Variants in PLCB1 observed in about 807,000 individuals in gnomAD.
PLCB1 encodes phospholipase C beta 1.
Under a neutral mutation model 161.8 loss-of-function variants are expected in PLCB1, and 46 were observed. That is an observed-to-expected ratio of 0.28 (90% CI 0.22 to 0.36). The LOEUF (loss-of-function observed/expected upper bound fraction) is 0.36. Ranked by LOEUF, PLCB1 falls within the 10% of genes least tolerant of loss-of-function variation. The probability of loss-of-function intolerance (pLI) is 1.00; values close to 1 mark genes in which losing one functional copy is unlikely to be tolerated. For missense variants in PLCB1, 1,016 were observed against 1,472.5 expected (o/e 0.69, Z 5.07); for synonymous variants, 517 against 503.7 (o/e 1.03, Z -0.35).
At chr20:8,186,990 T>G (rs2051912946) in intron 2 of PLCB1, among the ~76,000 whole-genome samples, 1 of 152,124 alleles carries the variant, frequency 6.6e-6, no homozygotes, top group South Asian at 2.1e-4. Flanking sequence ...GGTGATGGCT[T>G]TCAGAACTAA....
intron 31 of PLCB1, among the ~76,000 whole-genome samples, chr20:8,820,734 C>A (rs957274907): frequency 5.3e-5 from 8 of 151,970 alleles, no homozygotes; most frequent in Non-Finnish European, 1.0e-4. Context: ...AAATAACCCA[C>A]CTATAATAGT....
chr20:8,501,595 T>C (rs1012391114), intron 3 of PLCB1, among the ~76,000 whole-genome samples: 7 of 152,132 alleles, frequency 4.6e-5, no homozygotes, highest in Non-Finnish European at 8.8e-5. Flanking sequence ...GCATCCCTGG[T>C]CCTTCTGAAT....
intron 31 of PLCB1, among the ~76,000 whole-genome samples, chr20:8,857,789 A>C (rs1987118584): frequency 3.9e-5 from 6 of 152,194 alleles, no homozygotes. Context: ...AATGTGGTCT[A>C]GATCTGCCTT....
At chr20:8,479,169 T>C (rs1342812379) in intron 3 of PLCB1, among the ~76,000 whole-genome samples, 1 of 152,206 alleles carries the variant, frequency 6.6e-6, no homozygotes, top group African/African-American at 2.4e-5. Context: ...TGCTTGTTTA[T>C]TTGTTTTATG....
At chr20:8,307,529 GT>G in intron 2 of PLCB1, among the ~76,000 whole-genome samples, 1 of 151,880 alleles carries the variant, frequency 6.6e-6, no homozygotes, top group Non-Finnish European at 1.5e-5. Context: ...TTTGGTGGGG[GT>G]TTTTTTTGTT....
intron 3 of PLCB1, among the ~76,000 whole-genome samples, chr20:8,531,615 A>G (rs1231703627): frequency 6.6e-6 from 1 of 152,096 alleles, no homozygotes; most frequent in African/African-American, 2.4e-5. Context: ...CTTGCCTACA[A>G]AATTTCAGCA....
At chr20:8,426,121 G>A (rs1979759058) in intron 3 of PLCB1, among the ~76,000 whole-genome samples, 1 of 152,148 alleles carries the variant, frequency 6.6e-6, no homozygotes, top group East Asian at 1.9e-4. Context: ...CCAGGGACAC[G>A]ATGAAATGTG....
chr20:8,169,817 G>A (rs1477883919), intron 2 of PLCB1, among the ~76,000 whole-genome samples: 2 of 152,172 alleles, frequency 1.3e-5, no homozygotes, highest in East Asian at 3.9e-4. Flanking sequence ...TGAATCTTAG[G>A]AATGGAAGGC....
chr20:8,339,571 A>T (rs1985721489), intron 2 of PLCB1, among the ~76,000 whole-genome samples: 1 of 152,212 alleles, frequency 6.6e-6, no homozygotes, highest in South Asian at 2.1e-4. Flanking sequence ...ACTGGCTTTC[A>T]GCCCACTTGC....
intron 4 of PLCB1, among the ~76,000 whole-genome samples, chr20:8,638,602 A>G (rs6055961): frequency 6.6e-6 from 1 of 152,048 alleles, no homozygotes; most frequent in Non-Finnish European, 1.5e-5. Flanking sequence ...TGCTGAAAAT[A>G]GTTGTCAAGA....
chr20:8,837,419 AAC>A (rs1453862080), intron 31 of PLCB1, among the ~76,000 whole-genome samples: 2 of 152,238 alleles, frequency 1.3e-5, no homozygotes, highest in East Asian at 1.9e-4. Context: ...TGGTAGGAGA[AAC>A]ACAAATTAGA....
chr20:8,318,862 A>T (rs1266022597), intron 2 of PLCB1, among the ~76,000 whole-genome samples: 2 of 152,224 alleles, frequency 1.3e-5, no homozygotes, highest in Admixed American at 1.3e-4. Flanking sequence ...ATAATGATTT[A>T]TAATCTATTA....
chr20:8,625,572 G>C (rs13038516), intron 3 of PLCB1, among the ~76,000 whole-genome samples: 31,813 of 152,128 alleles, frequency 0.21, 3,572 homozygotes, highest in Admixed American at 0.31. Context: ...ACCGAAAAAG[G>C]ACGTTAGTAA....
At chr20:8,353,759 T>A (rs1327448322) in intron 2 of PLCB1, among the ~76,000 whole-genome samples, 1 of 152,078 alleles carries the variant, frequency 6.6e-6, no homozygotes, top group Non-Finnish European at 1.5e-5. Flanking sequence ...CACCCTAAGA[T>A]GACAGGTGGA....
chr20:8,261,602 C>T (rs980948078), intron 2 of PLCB1, among the ~76,000 whole-genome samples: 6 of 151,974 alleles, frequency 3.9e-5, no homozygotes, highest in African/African-American at 1.5e-4. Flanking sequence ...GAGAGTATAA[C>T]TAGAAAATTT....
chr20:8,454,806 T>C (rs2122660379), intron 3 of PLCB1, among the ~76,000 whole-genome samples: 1 of 152,356 alleles, frequency 6.6e-6, no homozygotes, highest in Middle Eastern at 3.4e-3. Context: ...TTCTTTTCTC[T>C]ATAGTATTTA....
At chr20:8,863,863 A>G (rs1431671121) in intron 31 of PLCB1, among the ~76,000 whole-genome samples, 2 of 151,692 alleles carry the variant, frequency 1.3e-5, no homozygotes, top group African/African-American at 2.4e-5. Flanking sequence ...ACTTATAATC[A>G]TTTTTTTATT....
chr20:8,799,613 T>C (rs1364863340), intron 31 of PLCB1, among the ~76,000 whole-genome samples: 2 of 152,168 alleles, frequency 1.3e-5, no homozygotes, highest in Non-Finnish European at 1.5e-5. Context: ...AAAATTTTAA[T>C]TGTTTTCTAG....
rs1289745303 is a variant in PLCB1 at position 8,788,475 on chromosome 20, A to C, written c.3138A>C (p.Ala1046=). Residue 1046 remains alanine (A), a synonymous_variant, in exon 28 of 32, where the codon GCA becomes GCC. Transcript: ENST00000338037. The part of the protein sequence containing the change: ...KLLIQKLTDV[A]EECQNNQLKK... ...TTATTCAAAAGTTGACGGATGTCGC[A>C]GAAGAGTGTCAGAACAATCAGTTAA... The C allele has an allele frequency of 1.2e-6, 2 of 1,613,764 alleles. No homozygotes were observed. Among genetic ancestry groups the C allele is most frequent in the Non-Finnish European group, 1.7e-6 (2 of 1,179,886 alleles).
Sources: allele counts gnomAD v4.1 joint callset (sites outside exome capture counted in the v4.1 genomes callset), GRCh38; gene constraint gnomAD v4.1.1; transcripts MANE v1.5; gene names NCBI Gene and HGNC (gene_info 2026-07-23, HGNC 2026-07-21).